CREB1: variants seen among roughly 807,000 people sequenced by gnomAD.
CREB1 encodes the protein cAMP responsive element binding protein 1.
A neutral mutation model predicts 42.0 loss-of-function variants in CREB1; 2 were observed. The observed-to-expected ratio is 0.05, with a 90% CI of 0.02 to 0.15. CREB1 has a LOEUF of 0.15. Ranked by LOEUF, CREB1 falls within the 10% of genes least tolerant of loss-of-function variation. The probability of loss-of-function intolerance (pLI) is 1.00; values close to 1 mark genes in which losing one functional copy is unlikely to be tolerated. For synonymous variants in CREB1, 123 were observed against 139.9 expected (o/e 0.88, Z 0.85); for missense variants, 199 against 388.9 (o/e 0.51, Z 4.11).
rs62189351 is a variant in CREB1, at chr2:207,547,946, A to G, written c.-8-7682A>G. On this transcript the variant is annotated intron_variant, in intron 1 of 7. Coordinates refer to ENST00000353267, the MANE Select transcript of CREB1 (RefSeq NM_004379.5). The stretch of plus-strand genomic sequence containing the variant: ...TATCAGATGATTTTTTTTTTTTTAA[A>G]TTGAGATGGAGTCTCATTCACCGTG... Among the ~76,000 whole-genome samples the G allele has an allele frequency of 6.6e-3, 998 of 151,352 alleles. 13 individuals are homozygous for G. Among genetic ancestry groups the G allele is most frequent in the African/African-American group, 0.023 (951 of 41,278 alleles).
chr2:207,540,752 C>T (rs1183753154), intron 1 of CREB1, among the ~76,000 whole-genome samples: 1 of 142,838 alleles, frequency 7.0e-6, no homozygotes, highest in Non-Finnish European at 1.5e-5. Flanking sequence ...TTTGCTTTCA[C>T]TTAAAAACCC....
chr2:207,577,481 C>G (rs766191481), intron 6 of CREB1, 24 bp from the exon 7 acceptor site: 1 of 1,612,474 alleles, frequency 6.2e-7, no homozygotes, highest in Non-Finnish European at 8.5e-7. Flanking sequence ...TTCTGTCTTA[C>G]ACCATGCTCA....
intron 3 of CREB1, 22 bp downstream of exon 3, chr2:207,560,394 C>A (rs780069301): frequency 1.3e-5 from 21 of 1,597,972 alleles, no homozygotes; most frequent in African/African-American, 2.7e-5. Flanking sequence ...AAAAGTTCTG[C>A]ATCTATTTTA....
At chr2:207,566,893 A>G (rs556132393) in intron 3 of CREB1, among the ~76,000 whole-genome samples, 2 of 152,332 alleles carry the variant, frequency 1.3e-5, no homozygotes, top group Admixed American at 6.5e-5. Context: ...TATTCTTATC[A>G]GAAAAGCATA....
chr2:207,552,782 T>G (rs1352458590), intron 1 of CREB1, among the ~76,000 whole-genome samples: 1 of 151,748 alleles, frequency 6.6e-6, no homozygotes, highest in Non-Finnish European at 1.5e-5. Context: ...GCCCAGCTAA[T>G]TTTTTGTATT....
intron 7 of CREB1, among the ~76,000 whole-genome samples, chr2:207,585,375 A>AC (rs2083638700): frequency 6.6e-6 from 1 of 152,150 alleles, no homozygotes; most frequent in Admixed American, 6.5e-5. Flanking sequence ...ATCTGAACCC[A>AC]CCTAGAATCA....
At chr2:207,554,150 A>T (rs1262360196) in intron 1 of CREB1, among the ~76,000 whole-genome samples, 1 of 152,188 alleles carries the variant, frequency 6.6e-6, no homozygotes, top group Non-Finnish European at 1.5e-5. Flanking sequence ...TAATGTAGTC[A>T]AGTCTGTTGA....
chr2:207,533,748 G>T (rs994347799), intron 1 of CREB1, among the ~76,000 whole-genome samples: 1 of 152,006 alleles, frequency 6.6e-6, no homozygotes, highest in Admixed American at 6.6e-5. Flanking sequence ...CTGTACTGCA[G>T]TATCACTTGA....
Position 207,602,095 on chromosome 2 carries a change from C to A in CREB1, c.*5037C>A. 4.9e-6 allele frequency: 1 copy of A among 205,196 alleles called. No individual in the cohort carries two copies. The highest frequency in any genetic ancestry group is 1.0e-5 in the Non-Finnish European group (1 of 100,410). 12.7% of individuals were successfully genotyped at this position (205,196 alleles called of 1,614,324 possible). ...CTGTCTCATCTGCTTATGATAAGTT[C>A]TTATTGATTAGTGAATGTAGCTTAA... On this transcript the variant is annotated 3_prime_UTR_variant, in exon 8 of 8. Coordinates refer to ENST00000353267, the MANE Select transcript of CREB1 (RefSeq NM_004379.5).
chr2:207,588,308 A>G (rs1034913261), intron 7 of CREB1, among the ~76,000 whole-genome samples: 2 of 152,096 alleles, frequency 1.3e-5, no homozygotes, highest in Non-Finnish European at 1.5e-5. Flanking sequence ...TTCTTTCTCT[A>G]TTGAATTGCC....
At chr2:207,550,775 C>G (rs1574805833) in intron 1 of CREB1, among the ~76,000 whole-genome samples, 1 of 152,080 alleles carries the variant, frequency 6.6e-6, no homozygotes, top group East Asian at 1.9e-4. Context: ...CTGTGCAGGT[C>G]TTGAGTAGAT....
chr2:207,584,945 C>G (rs566326577), intron 7 of CREB1, among the ~76,000 whole-genome samples: 9 of 152,114 alleles, frequency 5.9e-5, no homozygotes, highest in Admixed American at 3.9e-4. Context: ...TCAGTTGTGT[C>G]CTTTTGTACA....
chr2:207,550,352 T>TA (rs1030883049), intron 1 of CREB1: 2 of 150,236 alleles, frequency 1.3e-5, no homozygotes, highest in African/African-American at 4.9e-5. Flanking sequence ...TTTTTTTTTT[T>TA]AAACCATAGC....
intron 5 of CREB1, among the ~76,000 whole-genome samples, chr2:207,573,119 TTC>T (rs2082436295): frequency 6.6e-6 from 1 of 152,240 alleles, no homozygotes; most frequent in Non-Finnish European, 1.5e-5. Flanking sequence ...TTAGCTAACT[TTC>T]TGTTTAATTG....
intron 1 of CREB1, among the ~76,000 whole-genome samples, chr2:207,540,323 G>A (rs556801242): frequency 1.4e-4 from 22 of 152,020 alleles, no homozygotes; most frequent in African/African-American, 2.6e-4. Context: ...CTAGGCTAAC[G>A]TGTGAATGTC....
At chr2:207,596,801 C>A in intron 7 of CREB1, 113 bp from the exon 8 acceptor site, 1 of 1,222,362 alleles carries the variant, frequency 8.2e-7, no homozygotes, top group Non-Finnish European at 1.2e-6. Flanking sequence ...TTAATATATA[C>A]TAAAATGTTG....
At chr2:207,587,417 A>G (rs565615845) in intron 7 of CREB1, among the ~76,000 whole-genome samples, 2 of 151,876 alleles carry the variant, frequency 1.3e-5, no homozygotes, top group Non-Finnish European at 2.9e-5. Context: ...GGAAAAAGAA[A>G]AAAACACACA....
intron 4 of CREB1, among the ~76,000 whole-genome samples, chr2:207,568,920 C>T (rs1000021094): frequency 6.6e-6 from 1 of 152,042 alleles, no homozygotes; most frequent in African/African-American, 2.4e-5. Flanking sequence ...AGTAGTGCCT[C>T]CCCATTCCTT....
At position 207,605,691 on chromosome 2, in the gene CREB1, C is replaced by T. The variant is rs1163061452; in HGVS notation, c.*8633C>T. On this transcript the variant is annotated 3_prime_UTR_variant, in exon 8 of 8. Transcript: ENST00000353267. ...ACAAACAGTGGTTTATAAACTGCTG[C>T]CATTGTACAGATACAGTTTAACCAG... Among the ~76,000 whole-genome samples the T allele has an allele frequency of 1.3e-5, 2 of 152,152 alleles. No individual in the cohort carries two copies. Among genetic ancestry groups the T allele is most frequent in the African/African-American group, 4.8e-5 (2 of 41,432 alleles).
Sources: gnomAD v4.1 joint callset for allele counts (sites outside exome capture counted in the v4.1 genomes callset) on GRCh38, gnomAD v4.1.1 for gene constraint, MANE v1.5 for transcripts, NCBI Gene and HGNC (gene_info 2026-07-23, HGNC 2026-07-21) for gene names.